The following PHACTR1 variants were observed in gnomAD, a reference collection of about 807,000 sequenced individuals.
PHACTR1 encodes the protein RPEL repeat containing 1.
A neutral mutation model predicts 69.2 loss-of-function variants in PHACTR1; 16 were observed. The observed-to-expected ratio is 0.23, with a 90% CI of 0.16 to 0.35. PHACTR1 has a LOEUF of 0.35. PHACTR1 is among the 10% of genes least tolerant of loss of function. The pLI is 1.00. For synonymous variants in PHACTR1, 312 were observed against 284.5 expected, an observed-to-expected ratio of 1.10 and a Z score of -0.97; for missense variants, 510 against 734.7, an observed-to-expected ratio of 0.69 and a Z score of 3.54.
chr6:12,826,521 C>A (rs1776822665), intron 4 of PHACTR1, among the ~76,000 whole-genome samples: 1 of 152,094 alleles, frequency 6.6e-6, no homozygotes, highest in African/African-American at 2.4e-5. Flanking sequence ...AGCCAGTTTG[C>A]CTCTTGTTAT....
intron 4 of PHACTR1, among the ~76,000 whole-genome samples, chr6:12,970,683 G>A (rs1042678899): frequency 1.3e-5 from 2 of 152,220 alleles, no homozygotes; most frequent in Non-Finnish European, 2.9e-5. Context: ...TTGAACGCGG[G>A]CAGCAGAGGT....
chr6:12,874,843 T>A (rs114957684), intron 4 of PHACTR1, among the ~76,000 whole-genome samples: 1 of 152,204 alleles, frequency 6.6e-6, no homozygotes, highest in Non-Finnish European at 1.5e-5. Flanking sequence ...ACTTAACATA[T>A]GCTTTGCTTA....
Position 13,283,812 on chromosome 6 carries a change from G to C in PHACTR1, c.1650+250G>C, listed in dbSNP as rs2127488680. ...CAGGAGGAGGAGCAGCAGCCTGGGAGGCTGTGCCCAGAGAAAGAGAATAGC... is the reference window on the plus strand; with the variant it reads ...CAGGAGGAGGAGCAGCAGCCTGGGACGCTGTGCCCAGAGAAAGAGAATAGC... On this transcript the variant is annotated intron_variant, in intron 13 of 14. Transcript: ENST00000332995. The surrounding 1 kb of genome is among the most constrained non-coding windows in gnomAD (Gnocchi z 4.7). The C allele has an allele frequency of 1.9e-6, 1 of 524,704 alleles. No homozygotes were observed. The highest frequency in any genetic ancestry group is 3.6e-5 in the East Asian group (1 of 27,516). 32.5% of individuals were successfully genotyped at this position (524,704 alleles called of 1,614,324 possible). A position where few individuals can be genotyped will look rare whatever the true frequency, so the allele number is the denominator to read the frequency against.
chr6:13,181,002 A>G lies in PHACTR1; in HGVS notation c.497-1517A>G, dbSNP rs115827309. Among the ~76,000 whole-genome samples, 472 of 152,270 alleles carry G rather than the reference A, an allele frequency of 3.1e-3. 2 individuals are homozygous for G. Among genetic ancestry groups the G allele is most frequent in the Middle Eastern group, 0.014 (4 of 294 alleles). ...AAAAAAGCGGAATTAAAAAAAGAAA[A>G]AAAAACACACTCTTCAAATGCTGGT... is the stretch of plus-strand genomic sequence containing the variant. On this transcript the variant is annotated intron_variant, in intron 6 of 14. Transcript: ENST00000332995.
rs964732101 is a variant in PHACTR1, at chr6:12,795,875, CA to C, written c.250+46086del. 1.5e-3 allele frequency among the ~76,000 whole-genome samples: 179 copies of C among 118,592 alleles called. 1 individual carries two copies. Among genetic ancestry groups the C allele is most frequent in the African/African-American group, 5.1e-3 (142 of 28,056 alleles). 77.8% of individuals were successfully genotyped at this position (118,592 alleles called of 152,430 possible). On this transcript the variant is annotated intron_variant, in intron 4 of 14. Coordinates refer to ENST00000332995, the MANE Select transcript of PHACTR1 (RefSeq NM_030948.6). Reference sequence around the variant, plus strand: ...ACTGTCTCCTCTTAGCCAGACCTTACATTTTTAAGAAAAGAATCAATTCCTT... The same window carrying C: ...ACTGTCTCCTCTTAGCCAGACCTTACTTTTTAAGAAAAGAATCAATTCCTT...
intron 5 of PHACTR1, among the ~76,000 whole-genome samples, chr6:13,089,170 C>T (rs997113519): frequency 1.3e-5 from 2 of 152,152 alleles, no homozygotes; most frequent in African/African-American, 2.4e-5. Context: ...TGGTTTGCCC[C>T]CGTCTCTTCC....
chr6:12,864,667 G>A (rs1424220856), intron 4 of PHACTR1, among the ~76,000 whole-genome samples: 3 of 138,602 alleles, frequency 2.2e-5, no homozygotes, highest in Non-Finnish European at 4.6e-5. Context: ...GCAACAGAGT[G>A]AGACTCTGTC....
chr6:13,136,189 TAA>T (rs529377100), intron 5 of PHACTR1, among the ~76,000 whole-genome samples: 4 of 143,182 alleles, frequency 2.8e-5, no homozygotes, highest in African/African-American at 2.6e-5. Context: ...GAACGTATCC[TAA>T]AAAAAAAAAA....
chr6:12,949,625 AG>A (rs1285812216), intron 4 of PHACTR1, among the ~76,000 whole-genome samples: 2 of 152,240 alleles, frequency 1.3e-5, no homozygotes, highest in East Asian at 3.8e-4. Context: ...ATAGTGCTAT[AG>A]TGGTTTATTT....
intron 4 of PHACTR1, among the ~76,000 whole-genome samples, chr6:12,765,389 T>G (rs1044992417): frequency 2.0e-5 from 3 of 152,220 alleles, no homozygotes; most frequent in African/African-American, 7.2e-5. Context: ...AATTCACCTG[T>G]AAATCCTCAG....
chr6:12,893,527 T>A (rs1021612770), intron 4 of PHACTR1, among the ~76,000 whole-genome samples: 12 of 152,122 alleles, frequency 7.9e-5, no homozygotes, highest in Admixed American at 5.2e-4. Context: ...TACTTTATGA[T>A]TTTTTTACAA....
At chr6:13,154,903 A>G (rs757494709) in intron 5 of PHACTR1, among the ~76,000 whole-genome samples, 10 of 151,922 alleles carry the variant, frequency 6.6e-5, no homozygotes, top group Non-Finnish European at 1.2e-4. Context: ...GGGTCAGACC[A>G]TACCCAGTTT....
intron 3 of PHACTR1, among the ~76,000 whole-genome samples, chr6:12,724,279 A>G (rs1762507630): frequency 6.6e-6 from 1 of 152,188 alleles, no homozygotes; most frequent in Admixed American, 6.5e-5. Context: ...GTGAACCGAG[A>G]TCGCACCATT....
intron 4 of PHACTR1, among the ~76,000 whole-genome samples, chr6:12,845,425 A>ACCCCCCC (rs1332657788): frequency 3.5e-3 from 52 of 14,818 alleles, no homozygotes; most frequent in Admixed American, 4.9e-3. Flanking sequence ...TGTGAACACC[A>ACCCCCCC]CCCACCCCCC....
rs1386649237 is a variant in PHACTR1, at chr6:12,742,356, C to T, written c.104-7288C>T. On this transcript the variant is annotated intron_variant, in intron 3 of 14. Transcript: ENST00000332995. ...ATGGCATCTGTAAACTGTCATGGCT[C>T]TGATGGGAGTGTCTTTTAGCACGCT... is the stretch of plus-strand genomic sequence containing the variant. 2.6e-5 allele frequency among the ~76,000 whole-genome samples: 4 copies of T among 152,218 alleles called. No individual in the cohort carries two copies. In the East Asian group the frequency reaches 5.8e-4, roughly 22 times the overall value.
At chr6:13,129,970 G>A (rs1820154630) in intron 5 of PHACTR1, among the ~76,000 whole-genome samples, 1 of 151,834 alleles carries the variant, frequency 6.6e-6, no homozygotes, top group African/African-American at 2.4e-5. Context: ...AAACCACAAT[G>A]GAATAAAGCT....
intron 4 of PHACTR1, among the ~76,000 whole-genome samples, chr6:13,019,993 A>G (rs1265986994): frequency 6.6e-6 from 1 of 152,204 alleles, no homozygotes; most frequent in Admixed American, 6.5e-5. Flanking sequence ...GCTGGTGGAC[A>G]GGCTACCTGT....
chr6:13,195,170 G>A (rs1764196375), intron 7 of PHACTR1, among the ~76,000 whole-genome samples: 1 of 152,168 alleles, frequency 6.6e-6, no homozygotes, highest in Non-Finnish European at 1.5e-5. Flanking sequence ...CTTTCTTGCA[G>A]CCAAGGGGAA....
chr6:13,151,186 C>G (rs1461705853), intron 5 of PHACTR1, among the ~76,000 whole-genome samples: 2 of 152,172 alleles, frequency 1.3e-5, no homozygotes, highest in African/African-American at 4.8e-5. Flanking sequence ...ATTGCTTTTC[C>G]CCCTTCAACT....
Sources: gnomAD v4.1 joint callset for allele counts (sites outside exome capture counted in the v4.1 genomes callset) on GRCh38, gnomAD v4.1.1 for gene constraint, Gnocchi (gnomAD v3.1) non-coding constraint, MANE v1.5 for transcripts, NCBI Gene and HGNC (gene_info 2026-07-23, HGNC 2026-07-21) for gene names.